MTUS2: variants seen among roughly 807,000 people sequenced by gnomAD.
MTUS2 encodes microtubule associated scaffold protein 2.
MTUS2 carries 40 observed loss-of-function variants against 114.1 expected under a neutral mutation model. The ratio of observed to expected loss-of-function variants is 0.35; its 90% CI spans 0.27 to 0.46. The LOEUF (loss-of-function observed/expected upper bound fraction) is 0.46. Among genes scored for constraint, MTUS2 ranks in the 20% least tolerant of loss-of-function variants. The pLI, the probability that MTUS2 is intolerant of heterozygous loss-of-function variation, is 1.00. For missense variants in MTUS2, 1,679 were observed against 1,705.4 expected, an observed-to-expected ratio of 0.98 and a Z score of 0.27; for synonymous variants, 688 against 672.0, an observed-to-expected ratio of 1.02 and a Z score of -0.37.
At chr13:29,471,446 T>A (rs1880289072) in intron 9 of MTUS2, among the ~76,000 whole-genome samples, 1 of 152,224 alleles carries the variant, frequency 6.6e-6, no homozygotes, top group Non-Finnish European at 1.5e-5. Context: ...CCAAGAACTA[T>A]GCTTGTCACA....
chr13:29,158,668 A>G (rs1341056827), intron 5 of MTUS2, among the ~76,000 whole-genome samples: 1 of 152,112 alleles, frequency 6.6e-6, no homozygotes, highest in African/African-American at 2.4e-5. Context: ...CAAGAAAAGG[A>G]GACAGGTGGA....
At chr13:28,881,648 T>TA (rs1478066956) in intron 2 of MTUS2, among the ~76,000 whole-genome samples, 2 of 152,240 alleles carry the variant, frequency 1.3e-5, no homozygotes, top group Non-Finnish European at 2.9e-5. Context: ...CTGTTTTTTT[T>TA]ATCTTTTTAA....
chr13:28,905,684 A>G (rs1206768912), intron 2 of MTUS2, among the ~76,000 whole-genome samples: 9 of 151,622 alleles, frequency 5.9e-5, no homozygotes, highest in Admixed American at 5.2e-4. Context: ...TTTTGCATCA[A>G]TGTTCATCAA....
intron 5 of MTUS2, among the ~76,000 whole-genome samples, chr13:29,181,282 A>G (rs931265444): frequency 3.3e-5 from 5 of 152,080 alleles, no homozygotes; most frequent in Non-Finnish European, 7.3e-5. Context: ...ATCTCTGATG[A>G]CAAGAGCAAA....
At chr13:29,181,970 T>C (rs1894025536) in intron 5 of MTUS2, among the ~76,000 whole-genome samples, 1 of 152,162 alleles carries the variant, frequency 6.6e-6, no homozygotes, top group Admixed American at 6.5e-5. Flanking sequence ...CTGTAATGAG[T>C]TAAGAAGAAT....
chr13:29,165,424 A>G (rs979574228), intron 5 of MTUS2, among the ~76,000 whole-genome samples: 1 of 152,182 alleles, frequency 6.6e-6, no homozygotes, highest in South Asian at 2.1e-4. Context: ...AGATCATTCT[A>G]CAGTAACTCT....
chr13:28,828,432 A>G (rs986195124), intron 1 of MTUS2, among the ~76,000 whole-genome samples: 3 of 152,234 alleles, frequency 2.0e-5, no homozygotes, highest in Non-Finnish European at 4.4e-5. Flanking sequence ...AAGTAAAGAC[A>G]GGCATAGGAA....
intron 5 of MTUS2, among the ~76,000 whole-genome samples, chr13:29,270,855 C>T (rs1251170457): frequency 2.0e-5 from 3 of 152,184 alleles, no homozygotes; most frequent in Non-Finnish European, 4.4e-5. Context: ...GGCACATGAG[C>T]CGCATCAGGG....
rs373881086 is a variant in MTUS2 at position 29,497,844 on chromosome 13, C to T, written c.3678+508C>T. 23 of 167,282 alleles carry T rather than the reference C, an allele frequency of 1.4e-4. 1 individual carries two copies. The East Asian group carries it at 3.4e-3, about 25-fold the overall frequency. The allele number at this position is 167,282 out of a possible 1,614,324, so 10.4% of individuals were successfully genotyped here. A position where few individuals can be genotyped will look rare whatever the true frequency, so the allele number is the denominator to read the frequency against. On this transcript the variant is annotated intron_variant, in intron 13 of 15. Coordinates refer to ENST00000612955, the MANE Select transcript of MTUS2 (RefSeq NM_001033602.4). The stretch of plus-strand genomic sequence containing the variant: ...TAAATTTTTGAGTATAAGTATGTCC[C>T]ATGCAATACTTATACTGAATTTTTT...
At chr13:29,124,894 A>G (rs1891453544) in intron 5 of MTUS2, among the ~76,000 whole-genome samples, 1 of 152,200 alleles carries the variant, frequency 6.6e-6, no homozygotes, top group African/African-American at 2.4e-5. Flanking sequence ...TCAGATTCAT[A>G]GAGACGGAAA....
intron 5 of MTUS2, among the ~76,000 whole-genome samples, chr13:29,233,051 T>G (rs1362977758): frequency 6.6e-6 from 1 of 152,212 alleles, no homozygotes; most frequent in Non-Finnish European, 1.5e-5. Context: ...TGAAGTCATG[T>G]GAAAGCAGAG....
intron 2 of MTUS2, among the ~76,000 whole-genome samples, chr13:28,904,111 G>T (rs1224591587): frequency 6.6e-6 from 1 of 152,022 alleles, no homozygotes; most frequent in African/African-American, 2.4e-5. Flanking sequence ...GGGGTTGTTT[G>T]TTTTTTTCTT....
At chr13:29,050,005 C>T (rs1248280432) in intron 4 of MTUS2, among the ~76,000 whole-genome samples, 2 of 152,168 alleles carry the variant, frequency 1.3e-5, no homozygotes, top group Non-Finnish European at 2.9e-5. Context: ...TGGAACCCGG[C>T]TCTAGCCCTT....
chr13:29,200,396 G>C (rs1278788280), intron 5 of MTUS2, among the ~76,000 whole-genome samples: 2 of 150,410 alleles, frequency 1.3e-5, no homozygotes, highest in Admixed American at 1.3e-4. Context: ...TTGTGGCTTT[G>C]TTCTTATTAG....
At chr13:29,157,332 G>A (rs1892904181) in intron 5 of MTUS2, among the ~76,000 whole-genome samples, 1 of 152,192 alleles carries the variant, frequency 6.6e-6, no homozygotes, top group Admixed American at 6.5e-5. Context: ...CTCCATCAGT[G>A]TGTAAGAGTC....
intron 5 of MTUS2, among the ~76,000 whole-genome samples, chr13:29,231,746 T>A (rs1157625523): frequency 6.6e-6 from 1 of 152,222 alleles, no homozygotes. Flanking sequence ...TTTTTTCTCA[T>A]GTTATTAAGT....
intron 5 of MTUS2, among the ~76,000 whole-genome samples, chr13:29,158,922 C>T (rs1892982594): frequency 6.6e-6 from 1 of 152,158 alleles, no homozygotes; most frequent in South Asian, 2.1e-4. Context: ...CTGGCATAAA[C>T]CAGCAGAGCC....
At chr13:28,973,140 T>C (rs764098352) in intron 2 of MTUS2, among the ~76,000 whole-genome samples, 3 of 152,210 alleles carry the variant, frequency 2.0e-5, no homozygotes, top group Non-Finnish European at 4.4e-5. Flanking sequence ...CTGCTGTAAA[T>C]TTATTAGCCT....
chr13:29,389,845 A>ATG (rs1417200666), intron 8 of MTUS2, among the ~76,000 whole-genome samples: 1 of 3,686 alleles, frequency 2.7e-4, no homozygotes, highest in African/African-American at 2.9e-4. Flanking sequence ...ATACATACAT[A>ATG]TGTGTATATA....
Sources: gnomAD v4.1 joint callset for allele counts (sites outside exome capture counted in the v4.1 genomes callset) on GRCh38, gnomAD v4.1.1 for gene constraint, MANE v1.5 for transcripts, NCBI Gene and HGNC (gene_info 2026-07-23, HGNC 2026-07-21) for gene names.